CAST: variants seen among roughly 807,000 people sequenced by gnomAD.
The protein encoded by CAST is calpastatin, also known as MIR583 host.
CAST carries 76 observed loss-of-function variants against 119.6 expected under a neutral mutation model. The observed-to-expected ratio is 0.64, with a 90% CI of 0.53 to 0.77. The LOEUF (loss-of-function observed/expected upper bound fraction) is 0.77. Among genes scored for constraint, CAST ranks in the 30% least tolerant of loss-of-function variants. The probability of loss-of-function intolerance (pLI) is 0.00; values close to 1 mark genes in which losing one functional copy is unlikely to be tolerated. For missense variants in CAST, 953 were observed against 946.5 expected, an observed-to-expected ratio of 1.01 and a Z score of -0.09; for synonymous variants, 319 against 331.6, an observed-to-expected ratio of 0.96 and a Z score of 0.41.
At chr5:96,116,964 G>T in the CAST span, among the ~76,000 whole-genome samples, 1 of 152,108 alleles carries the variant, frequency 6.6e-6, no homozygotes, top group South Asian at 2.1e-4. Context: ...TTTCCACATG[G>T]CAACTTGAAC....
At chr5:96,515,040 T>G in the CAST span, among the ~76,000 whole-genome samples, 1 of 152,180 alleles carries the variant, frequency 6.6e-6, no homozygotes, top group Admixed American at 6.5e-5. Flanking sequence ...TGTAAACCAC[T>G]GTGCACGGCC....
the CAST span, among the ~76,000 whole-genome samples, chr5:96,009,520 G>A: frequency 6.6e-6 from 1 of 152,014 alleles, no homozygotes; most frequent in African/African-American, 2.4e-5. Flanking sequence ...ATCTCAGTGT[G>A]GTTCTGATTT....
chr5:96,652,125 G>C (rs2150205177), intron 1 of CAST, among the ~76,000 whole-genome samples: 1 of 152,310 alleles, frequency 6.6e-6, no homozygotes, highest in South Asian at 2.1e-4. Flanking sequence ...CTTTTCACCA[G>C]AGCAGATCTT....
At chr5:96,451,318 T>C in the CAST span, among the ~76,000 whole-genome samples, 2 of 152,132 alleles carry the variant, frequency 1.3e-5, no homozygotes, top group African/African-American at 4.8e-5. Context: ...AAGTAATACA[T>C]AAAAGAAATT....
the CAST span, among the ~76,000 whole-genome samples, chr5:95,975,117 A>C: frequency 6.6e-6 from 1 of 152,224 alleles, no homozygotes; most frequent in Non-Finnish European, 1.5e-5. Context: ...TTTCTTCAGC[A>C]TCACTGCATA....
At chr5:96,733,166 A>G (rs1443831536) in intron 9 of CAST, among the ~76,000 whole-genome samples, 1 of 146,350 alleles carries the variant, frequency 6.8e-6, no homozygotes, top group Non-Finnish European at 1.6e-5. Context: ...GAAAATATCA[A>G]ACTTAAAATT....
chr5:96,581,329 A>T (rs1264999715), intron 1 of CAST, among the ~76,000 whole-genome samples: 1 of 152,238 alleles, frequency 6.6e-6, no homozygotes, highest in Non-Finnish European at 1.5e-5. Context: ...ATGGCACACA[A>T]ATTAAAATAA....
chr5:96,298,393 T>A, the CAST span, among the ~76,000 whole-genome samples: 1 of 152,218 alleles, frequency 6.6e-6, no homozygotes, highest in African/African-American at 2.4e-5. Context: ...TTGGCAGTCA[T>A]TAACACGGGA....
the CAST span, among the ~76,000 whole-genome samples, chr5:96,040,335 T>C: frequency 2.6e-5 from 4 of 152,144 alleles, no homozygotes; most frequent in African/African-American, 9.7e-5. Context: ...CAATTTGACT[T>C]CCTCTTTTCC....
chr5:96,610,297 C>A (rs1747335403), intron 1 of CAST, among the ~76,000 whole-genome samples: 1 of 152,182 alleles, frequency 6.6e-6, no homozygotes, highest in Non-Finnish European at 1.5e-5. Flanking sequence ...GCCAATTAAA[C>A]CTCTTTTCTT....
chr5:96,515,416 C>A, the CAST span, among the ~76,000 whole-genome samples: 1 of 152,094 alleles, frequency 6.6e-6, no homozygotes, highest in Non-Finnish European at 1.5e-5. Context: ...ATAAAGTGAT[C>A]TTGACAATGG....
At chr5:96,494,339 A>G in the CAST span, among the ~76,000 whole-genome samples, 2,604 of 152,310 alleles carry the variant, frequency 0.017, 78 homozygotes, top group African/African-American at 0.06. Context: ...TTATCACTTA[A>G]GCTGAGGTTG....
chr5:96,295,761 G>A, the CAST span, among the ~76,000 whole-genome samples: 2 of 152,170 alleles, frequency 1.3e-5, no homozygotes, highest in African/African-American at 4.8e-5. Context: ...AAAGTCCTAT[G>A]AGAAGTGTCA....
intron 1 of CAST, among the ~76,000 whole-genome samples, chr5:96,588,260 G>T (rs1247361118): frequency 9.4e-5 from 12 of 127,220 alleles, no homozygotes; most frequent in African/African-American, 3.7e-4. Context: ...GGAGTGCAGT[G>T]GTGCAATCTC....
At chr5:96,465,531 A>G in the CAST span, among the ~76,000 whole-genome samples, 1 of 152,056 alleles carries the variant, frequency 6.6e-6, no homozygotes, top group African/African-American at 2.4e-5. Context: ...CTTTCTTTTC[A>G]TTAATACATA....
intron 1 of CAST, among the ~76,000 whole-genome samples, chr5:96,569,401 A>AT (rs1414963767): frequency 6.6e-6 from 1 of 152,210 alleles, no homozygotes; most frequent in Admixed American, 6.5e-5. Context: ...ATTTATATAT[A>AT]TTTTTAAAAC....
intron 1 of CAST, among the ~76,000 whole-genome samples, chr5:96,670,626 T>A (rs1448976498): frequency 6.6e-6 from 1 of 152,058 alleles, no homozygotes; most frequent in Non-Finnish European, 1.5e-5. Context: ...GCCTCCGGAG[T>A]AGCTGGGACT....
the CAST span, among the ~76,000 whole-genome samples, chr5:96,487,479 C>T: frequency 6.6e-6 from 1 of 152,174 alleles, no homozygotes; most frequent in African/African-American, 2.4e-5. Context: ...ATACATAAGC[C>T]ATCTGATGTT....
At chr5:96,412,298 GTCTGTGTAAAGCA>G in the CAST span, 1 of 1,605,744 alleles carries the variant, frequency 6.2e-7, no homozygotes, top group Admixed American at 1.7e-5. Flanking sequence ...TTTCATGTGG[GTCTGTGTAAAGCA>G]TCTTACCTGT....
Sources: allele counts gnomAD v4.1 joint callset (sites outside exome capture counted in the v4.1 genomes callset), GRCh38; gene constraint gnomAD v4.1.1; transcripts MANE v1.5; gene names NCBI Gene and HGNC (gene_info 2026-07-23, HGNC 2026-07-21).